Variants in CTNNBL1 observed in about 807,000 individuals in gnomAD.
CTNNBL1 encodes the protein beta-catenin-like protein 1.
CTNNBL1 carries 31 observed loss-of-function variants against 72.7 expected under a neutral mutation model. That is an observed-to-expected ratio of 0.43 (90% CI 0.32 to 0.58). CTNNBL1 has a LOEUF of 0.58. Among genes scored for constraint, CTNNBL1 ranks in the 20% least tolerant of loss-of-function variants. The probability of loss-of-function intolerance (pLI) is 0.08; values close to 1 mark genes in which losing one functional copy is unlikely to be tolerated. For synonymous variants in CTNNBL1, 240 were observed against 267.3 expected (o/e 0.90, Z 1.00); for missense variants, 534 against 725.1 (o/e 0.74, Z 3.03).
At chr20:37,855,318 C>G (rs114163985) in intron 13 of CTNNBL1, among the ~76,000 whole-genome samples, 1 of 152,066 alleles carries the variant, frequency 6.6e-6, no homozygotes, top group Non-Finnish European at 1.5e-5. Context: ...ACCCCACCCC[C>G]CAAATAGACT....
Position 37,746,554 on chromosome 20 carries a change from T to C in CTNNBL1, c.413T>C (p.Val138Ala), listed in dbSNP as rs1241763834. ...ATGCCAGACCTGTACCACCTTCTGG[T>C]GGAGCTGAATGCTGTACAGTCGCTT... ...ATMPDLYHLLVELNAVQSLLG... is the reference protein window; with the variant it reads ...ATMPDLYHLLAELNAVQSLLG... The change falls in exon 4 of 16, where the codon GTG (valine) becomes GCG (alanine). Residue 138 changes from valine to alanine, a missense_variant. Transcript: ENST00000361383. The C allele has an allele frequency of 3.1e-6, 5 of 1,614,006 alleles. No homozygotes were observed. The highest frequency in any genetic ancestry group is 4.2e-6 in the Non-Finnish European group (5 of 1,179,984).
chr20:37,869,186 T>A (rs1194188066), intron 15 of CTNNBL1, among the ~76,000 whole-genome samples: 2 of 152,016 alleles, frequency 1.3e-5, no homozygotes, highest in East Asian at 3.9e-4. Flanking sequence ...GAATCCCACA[T>A]CCCATTTTCT....
At chr20:37,814,297 A>G (rs1305054143) in intron 11 of CTNNBL1, among the ~76,000 whole-genome samples, 1 of 152,202 alleles carries the variant, frequency 6.6e-6, no homozygotes, top group Non-Finnish European at 1.5e-5. Flanking sequence ...TTAAGGTGTC[A>G]GTAGTCCTGG....
chr20:37,742,791 A>G (rs1442252796), intron 3 of CTNNBL1, among the ~76,000 whole-genome samples: 1 of 152,156 alleles, frequency 6.6e-6, no homozygotes, highest in Admixed American at 6.5e-5. Context: ...GTGACTAACA[A>G]TCGTTCAATT....
chr20:37,860,382 A>G, intron 15 of CTNNBL1, 38 bp downstream of exon 15: 1 of 1,467,146 alleles, frequency 6.8e-7, no homozygotes, highest in Non-Finnish European at 9.6e-7. Context: ...GCTCCAGAGG[A>G]TTAGATGATG....
chr20:37,793,475 A>G (rs1388769846), intron 10 of CTNNBL1, among the ~76,000 whole-genome samples: 3 of 152,232 alleles, frequency 2.0e-5, no homozygotes, highest in African/African-American at 7.2e-5. Flanking sequence ...AACGCATGGT[A>G]TCTTTTACCT....
At chr20:37,865,552 C>A (rs1270401657) in intron 15 of CTNNBL1, among the ~76,000 whole-genome samples, 1 of 152,192 alleles carries the variant, frequency 6.6e-6, no homozygotes, top group Non-Finnish European at 1.5e-5. Context: ...CATTCTGTCT[C>A]TGTGGCTGCC....
intron 10 of CTNNBL1, among the ~76,000 whole-genome samples, chr20:37,790,918 C>A (rs924017316): frequency 3.9e-5 from 6 of 152,234 alleles, no homozygotes; most frequent in Middle Eastern, 3.2e-3. Context: ...TTCTCTCCCC[C>A]TACCTCAGTG....
chr20:37,834,877 T>C (rs758589573), intron 11 of CTNNBL1, among the ~76,000 whole-genome samples: 1 of 151,878 alleles, frequency 6.6e-6, no homozygotes, highest in Non-Finnish European at 1.5e-5. Context: ...ACAGTAACAA[T>C]GATGACAGTT....
intron 15 of CTNNBL1, among the ~76,000 whole-genome samples, chr20:37,861,161 A>G (rs2072488419): frequency 6.6e-6 from 1 of 152,234 alleles, no homozygotes; most frequent in Non-Finnish European, 1.5e-5. Flanking sequence ...TGCAAAGGTT[A>G]CAGGAGGTAC....
intron 1 of CTNNBL1, among the ~76,000 whole-genome samples, chr20:37,706,461 A>G (rs975661040): frequency 2.0e-5 from 3 of 152,256 alleles, no homozygotes; most frequent in Non-Finnish European, 4.4e-5. Context: ...CACTAGGAGT[A>G]GAGTTTATCT....
intron 3 of CTNNBL1, among the ~76,000 whole-genome samples, chr20:37,740,394 A>G (rs776354597): frequency 2.6e-5 from 4 of 152,202 alleles, no homozygotes; most frequent in Middle Eastern, 3.4e-3. Context: ...CATATATCCA[A>G]TTGTCATTTT....
intron 1 of CTNNBL1, among the ~76,000 whole-genome samples, chr20:37,720,346 A>G (rs1315404181): frequency 6.6e-6 from 1 of 152,016 alleles, no homozygotes; most frequent in Non-Finnish European, 1.5e-5. Flanking sequence ...TTTTTTGTAG[A>G]CACAGGGTCT....
At chr20:37,719,673 T>TA (rs1269169269) in intron 1 of CTNNBL1, among the ~76,000 whole-genome samples, 1 of 152,238 alleles carries the variant, frequency 6.6e-6, no homozygotes, top group Non-Finnish European at 1.5e-5. Flanking sequence ...AAGTGGGATT[T>TA]ATCTTACTTT....
chr20:37,697,334 CAG>C (rs1428357307), intron 1 of CTNNBL1, among the ~76,000 whole-genome samples: 1 of 152,050 alleles, frequency 6.6e-6, no homozygotes, highest in African/African-American at 2.4e-5. Context: ...AGGAAGGACA[CAG>C]AGGAATGGGC....
intron 11 of CTNNBL1, among the ~76,000 whole-genome samples, chr20:37,833,756 A>T (rs540306472): frequency 6.6e-6 from 1 of 152,296 alleles, no homozygotes; most frequent in South Asian, 2.1e-4. Flanking sequence ...TGGCCAGCAG[A>T]TAAACCTGTT....
intron 7 of CTNNBL1, 178 bp from the exon 8 acceptor site, chr20:37,777,167 C>G: frequency 1.8e-6 from 1 of 557,068 alleles, no homozygotes; most frequent in Non-Finnish European, 3.2e-6. Context: ...TTCAATCTGT[C>G]ACTTTACTTG....
intron 11 of CTNNBL1, among the ~76,000 whole-genome samples, chr20:37,818,594 TG>T (rs2072079537): frequency 1.3e-5 from 2 of 152,210 alleles, no homozygotes; most frequent in South Asian, 4.1e-4. Flanking sequence ...GCAGAGGACC[TG>T]GACCAGGACA....
intron 13 of CTNNBL1, among the ~76,000 whole-genome samples, chr20:37,844,305 C>G (rs971059297): frequency 1.3e-5 from 2 of 152,180 alleles, no homozygotes; most frequent in African/African-American, 2.4e-5. Context: ...CTGCTTGTCA[C>G]TATGCCTCAT....
Sources: allele counts gnomAD v4.1 joint callset (sites outside exome capture counted in the v4.1 genomes callset), GRCh38; gene constraint gnomAD v4.1.1; transcripts MANE v1.5; gene names NCBI Gene and HGNC (gene_info 2026-07-23, HGNC 2026-07-21).